CD46: variants seen among roughly 807,000 people sequenced by gnomAD.
CD46 encodes the protein CD46 molecule, also known as membrane cofactor protein.
In CD46, 30 loss-of-function variants were observed where a neutral mutation model predicts 53.3. The observed-to-expected ratio is 0.56, with a 90% confidence interval of 0.42 to 0.76. The LOEUF is 0.76. Among genes scored for constraint, CD46 ranks in the 30% least tolerant of loss-of-function variants. The pLI, the probability that CD46 is intolerant of heterozygous loss-of-function variation, is 0.00. For synonymous variants in CD46, 142 were observed against 152.0 expected (o/e 0.93, Z 0.48); for missense variants, 409 against 463.0 (o/e 0.88, Z 1.07).
chr1:207,787,871 C>G (rs1159804007), intron 11 of CD46, among the ~76,000 whole-genome samples: 1 of 152,110 alleles, frequency 6.6e-6, no homozygotes, highest in East Asian at 1.9e-4. Context: ...TCTTCAGAGT[C>G]TAGAGGAATG....
chr1:207,792,342 C>A (rs1659871455), intron 12 of CD46, among the ~76,000 whole-genome samples: 1 of 151,952 alleles, frequency 6.6e-6, no homozygotes, highest in South Asian at 2.1e-4. Flanking sequence ...CAGTGACAGG[C>A]CAAACCATTA....
chr1:207,755,511 T>C (rs1655431257), intron 1 of CD46, among the ~76,000 whole-genome samples: 1 of 152,232 alleles, frequency 6.6e-6, no homozygotes, highest in African/African-American at 2.4e-5. Context: ...TCCAGATAGT[T>C]GAAGGAAACA....
intron 6 of CD46, chr1:207,767,563 T>C (rs1246779382): frequency 4.1e-6 from 6 of 1,460,802 alleles, no homozygotes; most frequent in Non-Finnish European, 5.8e-6. Flanking sequence ...ATGAGAGCAA[T>C]AACTCCCAAG....
chr1:207,761,239 C>A lies in CD46; in HGVS notation c.476-10C>A. On this transcript the variant is annotated splice_polypyrimidine_tract_variant and intron_variant, in intron 4 of 12. Transcript: ENST00000367042. ...TTACATTTCCTTTCCTCTTTTTCTT[C>A]ATTTTTAAGAGGTTTTGTGTACACC... The A allele has an allele frequency of 6.4e-7, 1 of 1,561,790 alleles. No individual in the cohort carries two copies. Among genetic ancestry groups the A allele is most frequent in the Non-Finnish European group, 8.8e-7 (1 of 1,135,006 alleles).
chr1:207,784,902 T>G (rs1451885369), intron 9 of CD46, among the ~76,000 whole-genome samples, 169 bp from the exon 10 acceptor site: 2 of 152,150 alleles, frequency 1.3e-5, no homozygotes, highest in Non-Finnish European at 2.9e-5. Context: ...TTCAATTACC[T>G]CTCATGGGGT....
intron 7 of CD46, chr1:207,769,149 T>C (rs1199027481): frequency 6.6e-6 from 1 of 152,234 alleles, no homozygotes; most frequent in Non-Finnish European, 1.5e-5. Context: ...TCCCAGCTGC[T>C]CGGGAGGCCG....
intron 8 of CD46, among the ~76,000 whole-genome samples, chr1:207,777,237 G>A (rs79466289): frequency 0.019 from 2,935 of 152,220 alleles, 104 homozygotes; most frequent in African/African-American, 0.068. Context: ...AGTATATAGA[G>A]TAAAAGATTA....
At position 207,785,604 on chromosome 1, in the gene CD46, C is replaced by T. The variant is rs2102689706; in HGVS notation, c.1019-15C>T. 6.3e-7 allele frequency: 1 copy of T among 1,581,388 alleles called. No homozygotes were observed. The highest frequency in any genetic ancestry group is 8.7e-7 in the Non-Finnish European group (1 of 1,150,596). ...TTTCAGAATTATATGTCATTTGTTT[C>T]CTGGTTTCTTATAGTTGTTGGAGTT... On this transcript the variant is annotated splice_polypyrimidine_tract_variant and intron_variant, in intron 10 of 12. Transcript: ENST00000367042.
In CD46 at chr1:207,767,104, A is replaced by G; in HGVS notation, c.765A>G (p.Glu255=). The stretch of plus-strand genomic sequence containing the variant: ...ACTACAAAGCAACAGTTATGTTTGA[A>G]TGCGATAAGGGTTTTTACCTCGATG... ...KFYYKATVMF[E]CDKGFYLDGS... is the part of the protein sequence containing the mutation. The change falls in exon 6 of 13, where the codon GAA becomes GAG. Residue 255 remains glutamate (E), a synonymous_variant. Coordinates refer to ENST00000367042, the MANE Select transcript of CD46 (RefSeq NM_172351.3). 6.2e-7 allele frequency: 1 copy of G among 1,613,868 alleles called. No individual in the cohort carries two copies. Among genetic ancestry groups the G allele is most frequent in the Non-Finnish European group, 8.5e-7 (1 of 1,179,740 alleles).
chr1:207,777,941 C>G (rs752005015), intron 8 of CD46, among the ~76,000 whole-genome samples: 59 of 152,278 alleles, frequency 3.9e-4, no homozygotes, highest in Non-Finnish European at 5.9e-4. Context: ...TACAACCTCA[C>G]CAGCATCTAT....
At chr1:207,770,385 T>C (rs774888424) in intron 8 of CD46, 23 bp downstream of exon 8, 2 of 1,491,514 alleles carry the variant, frequency 1.3e-6, no homozygotes, top group Non-Finnish European at 9.3e-7. Flanking sequence ...TTTATCCTAC[T>C]GATATTGTTA....
intron 3 of CD46, among the ~76,000 whole-genome samples, chr1:207,759,074 C>G (rs908952003): frequency 2.0e-5 from 3 of 152,102 alleles, no homozygotes; most frequent in African/African-American, 7.2e-5. Context: ...GAAATACACT[C>G]TGTTCTAAAT....
intron 8 of CD46, among the ~76,000 whole-genome samples, chr1:207,772,475 G>A (rs1657619717): frequency 6.6e-6 from 1 of 152,158 alleles, no homozygotes; most frequent in Non-Finnish European, 1.5e-5. Flanking sequence ...TCCTTGTCTT[G>A]TGCCGGTTTC....
In CD46 at chr1:207,783,815, A is replaced by G. The variant is rs1405116198; in HGVS notation, c.982+485A>G. The G allele has an allele frequency of 2.0e-5, 3 of 152,884 alleles. No individual in the cohort carries two copies. In the East Asian group the frequency reaches 5.7e-4, roughly 29 times the overall value. The allele number at this position is 152,884 out of a possible 1,614,324, so 9.5% of individuals were successfully genotyped here. A position where few individuals can be genotyped will look rare whatever the true frequency, so the allele number is the denominator to read the frequency against. ...ATGCACCTTAGGCTTGTTTTTTAGT[A>G]TTTGCCTTACCTCCAAAATCTGTGG... On this transcript the variant is annotated intron_variant, in intron 9 of 12. Coordinates refer to ENST00000367042, the MANE Select transcript of CD46 (RefSeq NM_172351.3).
chr1:207,770,690 A>G (rs1033616311), intron 8 of CD46, among the ~76,000 whole-genome samples: 4 of 152,098 alleles, frequency 2.6e-5, no homozygotes, highest in Admixed American at 1.3e-4. Flanking sequence ...GATTAGAATG[A>G]TGGTTTCCAG....
intron 8 of CD46, among the ~76,000 whole-genome samples, chr1:207,774,174 A>T (rs976945104): frequency 6.6e-6 from 1 of 150,416 alleles, no homozygotes; most frequent in Non-Finnish European, 1.5e-5. Flanking sequence ...TGTTGGTTTA[A>T]TGTCTGTTTT....
chr1:207,752,622 C>G lies in CD46; in HGVS notation c.97+313C>G, dbSNP rs1237856277. On this transcript the variant is annotated intron_variant, in intron 1 of 12. Coordinates refer to ENST00000367042, the MANE Select transcript of CD46 (RefSeq NM_172351.3). The surrounding 1 kb of genome is among the most constrained non-coding windows in gnomAD (Gnocchi z 4.1). ...GCCAGGGGAGCGCGGACTGGGCGCCCTAGGTGAGGGCTTGTTCTGGAGTGC... is the reference window on the plus strand; with the variant it reads ...GCCAGGGGAGCGCGGACTGGGCGCCGTAGGTGAGGGCTTGTTCTGGAGTGC... Among the ~76,000 whole-genome samples the G allele has an allele frequency of 6.6e-6, 1 of 152,042 alleles. No individual in the cohort carries two copies. The highest frequency in any genetic ancestry group is 2.4e-5 in the African/African-American group (1 of 41,386).
At chr1:207,779,913 C>CTTTATTTTTTTTTTTTTTTTT (rs1658543549) in intron 8 of CD46, among the ~76,000 whole-genome samples, 1 of 62,384 alleles carries the variant, frequency 1.6e-5, no homozygotes, top group African/African-American at 6.3e-5. Flanking sequence ...AAAAGCAAGT[C>CTTTATTTTTTTTTTTTTTTTT]TTTTTTTTTT....
At chr1:207,755,421 C>G (rs575198862) in intron 1 of CD46, among the ~76,000 whole-genome samples, 1 of 152,310 alleles carries the variant, frequency 6.6e-6, no homozygotes, top group South Asian at 2.1e-4. Context: ...GAGCAACTCA[C>G]TCTCACAAGG....
Sources: allele counts gnomAD v4.1 joint callset (sites outside exome capture counted in the v4.1 genomes callset), GRCh38; gene constraint gnomAD v4.1.1; non-coding constraint Gnocchi (gnomAD v3.1); transcripts MANE v1.5; gene names NCBI Gene and HGNC (gene_info 2026-07-23, HGNC 2026-07-21).